Variants in ZFAND3 observed in about 807,000 individuals in gnomAD.
The protein encoded by ZFAND3 is zinc finger AN1-type containing 3, also known as AN1-type zinc finger protein 3.
In ZFAND3, 10 loss-of-function variants were observed where a neutral mutation model predicts 29.6. The ratio of observed to expected loss-of-function variants is 0.34; its 90% CI spans 0.21 to 0.57. ZFAND3 has a LOEUF of 0.57. Among genes scored for constraint, ZFAND3 ranks in the 20% least tolerant of loss-of-function variants. ZFAND3 has a pLI of 0.86. For missense variants in ZFAND3, 230 were observed against 304.5 expected, an observed-to-expected ratio of 0.76 and a Z score of 1.82; for synonymous variants, 128 against 112.6, an observed-to-expected ratio of 1.14 and a Z score of -0.87.
chr6:38,135,043 G>A (rs559314476), intron 5 of ZFAND3, among the ~76,000 whole-genome samples: 1 of 152,300 alleles, frequency 6.6e-6, no homozygotes, highest in East Asian at 1.9e-4. Flanking sequence ...ATGTCAGGGG[G>A]CACTAGAACT....
chr6:38,022,267 A>G (rs1012829865), intron 2 of ZFAND3, among the ~76,000 whole-genome samples: 9 of 152,240 alleles, frequency 5.9e-5, no homozygotes, highest in African/African-American at 1.9e-4. Context: ...ATCAGCATCT[A>G]TTATACTTTT....
At chr6:38,013,916 C>T (rs1345327392) in intron 2 of ZFAND3, among the ~76,000 whole-genome samples, 1 of 152,146 alleles carries the variant, frequency 6.6e-6, no homozygotes, top group African/African-American at 2.4e-5. Context: ...AGTTAAACTC[C>T]TGACATTTAA....
Position 37,940,617 on chromosome 6 carries a change from C to G in ZFAND3, c.112+10618C>G, listed in dbSNP as rs140251831. 5.7e-3 allele frequency among the ~76,000 whole-genome samples: 870 copies of G among 152,264 alleles called. 7 individuals carry two copies. Among genetic ancestry groups the G allele is most frequent in the African/African-American group, 0.02 (834 of 41,544 alleles). On this transcript the variant is annotated intron_variant, in intron 2 of 5. Transcript: ENST00000287218. The stretch of plus-strand genomic sequence containing the variant: ...TGCAGGCTGTACAGGAAGCATAGTA[C>G]TGGCATCTGCTTCTGGGGAGGTCTC...
chr6:37,826,733 A>G (rs1187463940), intron 1 of ZFAND3, among the ~76,000 whole-genome samples: 1 of 151,818 alleles, frequency 6.6e-6, no homozygotes, highest in African/African-American at 2.4e-5. Context: ...AGTCTGGGCA[A>G]CACAGTGAGA....
intron 2 of ZFAND3, among the ~76,000 whole-genome samples, chr6:37,980,895 T>G (rs1039752043): frequency 3.3e-5 from 5 of 152,178 alleles, no homozygotes; most frequent in African/African-American, 1.2e-4. Context: ...AATATTAAAA[T>G]TAATTGTAGG....
chr6:38,003,673 GTT>G (rs146304338), intron 2 of ZFAND3: 210 of 279,436 alleles, frequency 7.5e-4, no homozygotes, highest in South Asian at 1.2e-3. Flanking sequence ...TAATTTTTGT[GTT>G]TTTTTTTTTT....
At chr6:37,886,437 A>G (rs956692676) in intron 1 of ZFAND3, among the ~76,000 whole-genome samples, 6 of 152,120 alleles carry the variant, frequency 3.9e-5, no homozygotes. Flanking sequence ...AGGAATTTAG[A>G]TTTGATTTGT....
intron 2 of ZFAND3, among the ~76,000 whole-genome samples, chr6:38,036,006 A>G (rs1007904031): frequency 1.3e-5 from 2 of 152,172 alleles, no homozygotes; most frequent in Non-Finnish European, 2.9e-5. Flanking sequence ...TCCCAGCTCC[A>G]TGTTATGGAA....
At chr6:38,053,716 A>G (rs1048749129) in intron 2 of ZFAND3, among the ~76,000 whole-genome samples, 2 of 152,172 alleles carry the variant, frequency 1.3e-5, no homozygotes, top group African/African-American at 4.8e-5. Context: ...AAAAGATGCT[A>G]TCAAAGGAAT....
intron 3 of ZFAND3, among the ~76,000 whole-genome samples, chr6:38,064,005 G>A (rs1387995855): frequency 6.6e-6 from 1 of 151,992 alleles, no homozygotes; most frequent in African/African-American, 2.4e-5. Context: ...AGTAGATTTT[G>A]TTTTGTTTTA....
intron 3 of ZFAND3, among the ~76,000 whole-genome samples, chr6:38,064,613 A>G (rs1581887141): frequency 6.6e-6 from 1 of 151,560 alleles, no homozygotes. Flanking sequence ...GTGGAAATCC[A>G]CATCATAACC....
chr6:38,093,452 G>C (rs1764912851), intron 4 of ZFAND3, among the ~76,000 whole-genome samples: 1 of 152,098 alleles, frequency 6.6e-6, no homozygotes, highest in Admixed American at 6.6e-5. Context: ...ATATGAGCCT[G>C]TTTTAGAAAT....
rs538473515 is a variant in ZFAND3 at position 37,944,344 on chromosome 6, C to T, written c.112+14345C>T. Among the ~76,000 whole-genome samples, 11 of 152,206 alleles carry T rather than the reference C, an allele frequency of 7.2e-5. No homozygotes were observed. The South Asian group carries it at 8.3e-4, about 11-fold the overall frequency. On this transcript the variant is annotated intron_variant, in intron 2 of 5. Transcript: ENST00000287218. ...ATCTTTATTATAGATTTTTAAAAAA[C>T]CCATGATAAAGTGTTTCATGTTCTA...
At chr6:37,840,026 G>T (rs913552885) in intron 1 of ZFAND3, among the ~76,000 whole-genome samples, 1 of 151,816 alleles carries the variant, frequency 6.6e-6, no homozygotes, top group Non-Finnish European at 1.5e-5. Context: ...CTAATTCAAG[G>T]TCACAAATAT....
At chr6:37,985,131 G>GA (rs1762644295) in intron 2 of ZFAND3, among the ~76,000 whole-genome samples, 1 of 152,142 alleles carries the variant, frequency 6.6e-6, no homozygotes, top group South Asian at 2.1e-4. Flanking sequence ...TAAGGCACTA[G>GA]AGGAATGTGA....
chr6:38,058,089 A>G (rs2127462361), intron 2 of ZFAND3, among the ~76,000 whole-genome samples: 1 of 152,326 alleles, frequency 6.6e-6, no homozygotes, highest in East Asian at 1.9e-4. Context: ...TGAGCATCAA[A>G]GTAGCATGGC....
At chr6:37,924,547 G>A (rs902929931) in intron 1 of ZFAND3, among the ~76,000 whole-genome samples, 1 of 151,980 alleles carries the variant, frequency 6.6e-6, no homozygotes, top group Non-Finnish European at 1.5e-5. Flanking sequence ...AAATTGGGTG[G>A]TCAGGCCACA....
intron 2 of ZFAND3, among the ~76,000 whole-genome samples, chr6:38,043,298 A>G (rs1433099680): frequency 1.3e-5 from 2 of 149,730 alleles, no homozygotes; most frequent in African/African-American, 4.9e-5. Context: ...CTGTTTATTT[A>G]AAATGTTGCT....
intron 1 of ZFAND3, among the ~76,000 whole-genome samples, chr6:37,859,227 A>C (rs1276575747): frequency 6.6e-6 from 1 of 152,236 alleles, no homozygotes; most frequent in Non-Finnish European, 1.5e-5. Flanking sequence ...CAAGTATGTT[A>C]ATGTATATAC....
Sources: gnomAD v4.1 joint callset for allele counts (sites outside exome capture counted in the v4.1 genomes callset) on GRCh38, gnomAD v4.1.1 for gene constraint, MANE v1.5 for transcripts, NCBI Gene and HGNC (gene_info 2026-07-23, HGNC 2026-07-21) for gene names.